The following PML variants were observed in gnomAD, a reference collection of about 807,000 sequenced individuals.
PML encodes PML nuclear body scaffold, also known as protein PML.
Under a neutral mutation model 65.2 loss-of-function variants are expected in PML, and 28 were observed. The ratio of observed to expected loss-of-function variants is 0.43; its 90% confidence interval spans 0.32 to 0.59. PML has a LOEUF of 0.59. Among genes scored for constraint, PML ranks in the 20% least tolerant of loss-of-function variants. PML has a pLI of 0.08. For missense variants in PML, 1,021 were observed against 1,203.4 expected (o/e 0.85, Z 2.24); for synonymous variants, 500 against 508.8 (o/e 0.98, Z 0.23).
chr15:74,037,265 A>G lies in PML; in HGVS notation c.1710+2735A>G. The G allele has an allele frequency of 1.0e-6, 1 of 985,310 alleles. No homozygotes were observed. Among genetic ancestry groups the G allele is most frequent in the South Asian group, 4.7e-5 (1 of 21,286 alleles). 61.0% of individuals were successfully genotyped at this position (985,310 alleles called of 1,614,324 possible). A position where few individuals can be genotyped will look rare whatever the true frequency, so the allele number is the denominator to read the frequency against. The stretch of plus-strand genomic sequence containing the variant: ...TCCAGGGAGAAAACAGGAGCTCTCC[A>G]ATGGCATAGGGACAGTTGACATCTT... On this transcript the variant is annotated intron_variant, in intron 7 of 8. Transcript: ENST00000268058. The surrounding 1 kb of genome is among the most constrained non-coding windows in gnomAD (Gnocchi z 4.2).
Position 74,044,640 on chromosome 15 carries a change from C to T in PML, c.2281C>T (p.Pro761Ser), listed in dbSNP as rs200757566. ...RDLCRLLEVS[P>S]GPQLAQHVYP... ...CCTGTGCCGCCTCCTCGAGGTCTCC[C>T]CGGGCCCCCAGCTGGCCCAGCATGT... The change falls in exon 9 of 9, where the codon CCG becomes TCG. Residue 761 changes from proline (P) to serine (S), a missense_variant. Pro to Ser is a moderately conservative substitution (Grantham distance 74). Transcript: ENST00000268058. 6.2e-7 allele frequency: 1 copy of T among 1,605,846 alleles called. No homozygotes were observed. The highest frequency in any genetic ancestry group is 8.5e-7 in the Non-Finnish European group (1 of 1,179,894).
chr15:74,044,269 G>A lies in PML; in HGVS notation c.1910G>A (p.Arg637His), dbSNP rs1234689753. The A allele has an allele frequency of 1.2e-5, 19 of 1,614,032 alleles. No individual in the cohort carries two copies. The Middle Eastern group carries it at 4.9e-4, about 42-fold the overall frequency. ...LAAVNRESKF[R>H]VVIQPEAFFS... The stretch of plus-strand genomic sequence containing the variant: ...GCGGTGAACCGGGAAAGCAAGTTCC[G>A]CGTGGTCATCCAGCCTGAAGCCTTC... Residue 637 changes from arginine to histidine, a missense_variant, in exon 9 of 9, where the codon CGC becomes CAC. Coordinates refer to ENST00000268058, the MANE Select transcript of PML (RefSeq NM_033238.3).
At chr15:74,019,227 A>G (rs1462724652) in intron 2 of PML, among the ~76,000 whole-genome samples, 2 of 152,336 alleles carry the variant, frequency 1.3e-5, no homozygotes, top group East Asian at 3.9e-4. Context: ...GGCTATGGCC[A>G]TCCAGAACGT....
chr15:74,028,620 C>T (rs963783354), intron 4 of PML, among the ~76,000 whole-genome samples: 2 of 152,184 alleles, frequency 1.3e-5, no homozygotes, highest in Non-Finnish European at 2.9e-5. Context: ...TTTTCATCTT[C>T]CCAAGCTGGA....
At chr15:74,033,090 C>G (rs2071392427) in intron 5 of PML, 66 bp from the exon 6 acceptor site, 62 of 1,568,270 alleles carry the variant, frequency 4.0e-5, no homozygotes, top group Non-Finnish European at 5.4e-5. Context: ...CCCTGGCAGT[C>G]AGGGCAGGCT....
chr15:74,018,684 A>AT (rs1377030940), intron 2 of PML, among the ~76,000 whole-genome samples: 4 of 151,896 alleles, frequency 2.6e-5, no homozygotes, highest in African/African-American at 4.8e-5. Flanking sequence ...GGGAAGATGG[A>AT]TTTTTTTCCC....
chr15:74,033,602 G>C (rs188778272), intron 6 of PML, 188 bp downstream of exon 6: 87 of 742,710 alleles, frequency 1.2e-4, no homozygotes, highest in Admixed American at 1.1e-3. Flanking sequence ...CATGTGTTTT[G>C]CCATGATTGA....
At chr15:74,034,824 T>C (rs1007829342) in intron 7 of PML, 3 of 1,437,398 alleles carry the variant, frequency 2.1e-6, no homozygotes, top group Non-Finnish European at 2.7e-6. Context: ...AGCTTCCTTA[T>C]GCATTTTCTG....
intron 2 of PML, among the ~76,000 whole-genome samples, chr15:74,016,794 T>TTTTTTTTTTG: frequency 8.6e-6 from 1 of 116,736 alleles, no homozygotes; most frequent in African/African-American, 3.2e-5. Context: ...AGTGGCATCT[T>TTTTTTTTTTG]TTTTTTTTTT....
rs780737061 is a variant in PML, at chr15:73,998,411, C to T, written c.537C>T (p.Asp179=). 18 of 1,613,850 alleles carry T rather than the reference C, an allele frequency of 1.1e-5. No homozygotes were observed. The highest frequency in any genetic ancestry group is 1.1e-4 in the African/African-American group (8 of 74,920). The change falls in exon 2 of 9, where the codon GAC becomes GAT. Residue 179 remains aspartate, a synonymous_variant. Transcript: ENST00000268058. ...LRNQSVREFL[D]GTRKTNNIFC... ...ACCAGTCGGTGCGTGAGTTCCTGGA[C>T]GGCACCCGCAAGACCAACAACATCT...
At chr15:74,005,527 C>T (rs578153305) in intron 2 of PML, among the ~76,000 whole-genome samples, 31 of 151,476 alleles carry the variant, frequency 2.0e-4, no homozygotes, top group South Asian at 6.3e-4. Flanking sequence ...ATCTTTTCGC[C>T]GCTGACTCCA....
intron 4 of PML, chr15:74,028,446 A>G (rs1209812654): frequency 6.6e-6 from 1 of 151,448 alleles, no homozygotes; most frequent in African/African-American, 2.4e-5. Flanking sequence ...CTTTTTCAAA[A>G]AAAAAAAAAA....
chr15:74,018,912 C>T (rs2070715781), intron 2 of PML, among the ~76,000 whole-genome samples: 1 of 152,196 alleles, frequency 6.6e-6, no homozygotes, highest in Non-Finnish European at 1.5e-5. Context: ...GGCAGTTTCC[C>T]ACTTCACCTC....
At chr15:74,013,384 A>G (rs2070418381) in intron 2 of PML, among the ~76,000 whole-genome samples, 1 of 152,234 alleles carries the variant, frequency 6.6e-6, no homozygotes, top group South Asian at 2.1e-4. Flanking sequence ...GATTAGAACC[A>G]CCATATACAT....
intron 2 of PML, among the ~76,000 whole-genome samples, chr15:74,002,405 A>G (rs1595879731): frequency 7.3e-6 from 1 of 136,142 alleles, no homozygotes; most frequent in African/African-American, 2.7e-5. Flanking sequence ...GTGTGTGTGT[A>G]TCTCCACGCT....
At chr15:74,028,526 CAGTGTACACTA>C (rs1424222610) in intron 4 of PML, 1 of 151,978 alleles carries the variant, frequency 6.6e-6, no homozygotes, top group African/African-American at 2.4e-5. Context: ...ATGTTCAGTT[CAGTGTACACTA>C]AGTGTACAGT....
intron 2 of PML, among the ~76,000 whole-genome samples, chr15:74,011,650 G>A (rs1365470348): frequency 6.6e-6 from 1 of 152,182 alleles, no homozygotes; most frequent in Non-Finnish European, 1.5e-5. Flanking sequence ...GGCTGTTCAG[G>A]CTGCATGCAA....
intron 2 of PML, among the ~76,000 whole-genome samples, chr15:74,016,649 C>A (rs1013418022): frequency 1.3e-5 from 2 of 152,056 alleles, no homozygotes; most frequent in Non-Finnish European, 2.9e-5. Flanking sequence ...CACTCTAGAC[C>A]TTTTCCTTTC....
chr15:74,034,897 T>TG (rs2071475445), intron 7 of PML: 2 of 1,439,036 alleles, frequency 1.4e-6, no homozygotes, highest in African/African-American at 1.4e-5. Flanking sequence ...TTACAGCCAG[T>TG]GGGGGCCAGT....
Sources: gnomAD v4.1 joint callset for allele counts (sites outside exome capture counted in the v4.1 genomes callset) on GRCh38, gnomAD v4.1.1 for gene constraint, Gnocchi (gnomAD v3.1) non-coding constraint, MANE v1.5 for transcripts, NCBI Gene and HGNC (gene_info 2026-07-23, HGNC 2026-07-21) for gene names.